Variants in RALGAPA1 observed in about 807,000 individuals in gnomAD.
RALGAPA1 encodes the protein ral GTPase-activating protein subunit alpha-1.
In RALGAPA1, 52 loss-of-function variants were observed where a neutral mutation model predicts 269.6. The observed-to-expected ratio is 0.19, with a 90% CI of 0.15 to 0.24. The LOEUF is 0.24. Among genes scored for constraint, RALGAPA1 ranks in the 10% least tolerant of loss-of-function variants. RALGAPA1 has a pLI of 1.00. For synonymous variants in RALGAPA1, 817 were observed against 1,008.3 expected, an observed-to-expected ratio of 0.81 and a Z score of 3.60; for missense variants, 1,917 against 3,013.9, an observed-to-expected ratio of 0.64 and a Z score of 8.52.
intron 37 of RALGAPA1, among the ~76,000 whole-genome samples, chr14:35,584,418 T>A (rs925490018): frequency 6.6e-6 from 1 of 152,030 alleles, no homozygotes; most frequent in African/African-American, 2.4e-5. Context: ...GGATACACCA[T>A]CATGCCTGGC....
intron 4 of RALGAPA1, chr14:35,766,574 T>C (rs1482573596): frequency 3.8e-6 from 3 of 799,852 alleles, no homozygotes; most frequent in Admixed American, 1.7e-5. Flanking sequence ...GGCTACAATA[T>C]GGTCACAGAT....
In RALGAPA1 at chr14:35,807,183, C is replaced by A. The variant is rs569574331; in HGVS notation, c.106+1547G>T. ...GTCATTACCTAACCTACAGCTTATCCCAAGTAGGTGTCAAGCTCCATTAAG... is the reference window on the plus strand; with the variant it reads ...GTCATTACCTAACCTACAGCTTATCACAAGTAGGTGTCAAGCTCCATTAAG... On this transcript the variant is annotated intron_variant, in intron 1 of 41. Coordinates refer to ENST00000680220, the MANE Select transcript of RALGAPA1 (RefSeq NM_001346249.2). Among the ~76,000 whole-genome samples, 3 of 152,276 alleles carry A rather than the reference C, an allele frequency of 2.0e-5. No homozygotes were observed. The South Asian group carries it at 6.2e-4, about 32-fold the overall frequency.
chr14:35,643,337 T>C (rs1003474189), intron 31 of RALGAPA1, among the ~76,000 whole-genome samples: 1 of 151,774 alleles, frequency 6.6e-6, no homozygotes, highest in Non-Finnish European at 1.5e-5. Flanking sequence ...ATAATAATAA[T>C]AATAAAATAA....
At chr14:35,795,895 G>A (rs1343927877) in intron 1 of RALGAPA1, among the ~76,000 whole-genome samples, 1 of 151,672 alleles carries the variant, frequency 6.6e-6, no homozygotes, top group African/African-American at 2.4e-5. Flanking sequence ...GAGGTAGGAG[G>A]ATTGCTTGAG....
chr14:35,589,422 A>G (rs186460602), intron 37 of RALGAPA1, among the ~76,000 whole-genome samples: 1 of 152,190 alleles, frequency 6.6e-6, no homozygotes, highest in Non-Finnish European at 1.5e-5. Context: ...TCAACATGAA[A>G]AACTGGTATG....
chr14:35,660,726 A>G (rs527587191), intron 27 of RALGAPA1, among the ~76,000 whole-genome samples: 14 of 152,110 alleles, frequency 9.2e-5, no homozygotes, highest in Non-Finnish European at 1.5e-4. Flanking sequence ...ATGGATAAAG[A>G]AAATGTGACA....
At chr14:35,736,422 T>C (rs1392354163) in intron 12 of RALGAPA1, among the ~76,000 whole-genome samples, 3 of 152,312 alleles carry the variant, frequency 2.0e-5, no homozygotes, top group Admixed American at 6.5e-5. Flanking sequence ...ATACAGATGA[T>C]ATTTAAAGCC....
At chr14:35,798,371 C>T (rs1338890771) in intron 1 of RALGAPA1, among the ~76,000 whole-genome samples, 1 of 150,754 alleles carries the variant, frequency 6.6e-6, no homozygotes, top group African/African-American at 2.4e-5. Flanking sequence ...GAGACAGGGT[C>T]TTGCATTGTT....
chr14:35,731,233 A>C (rs936857325), intron 12 of RALGAPA1, among the ~76,000 whole-genome samples: 2 of 152,218 alleles, frequency 1.3e-5, no homozygotes, highest in Non-Finnish European at 2.9e-5. Flanking sequence ...GAATCTTAAC[A>C]ACAGCCTTCA....
At chr14:35,669,064 T>C (rs2064185551) in intron 26 of RALGAPA1, among the ~76,000 whole-genome samples, 1 of 152,154 alleles carries the variant, frequency 6.6e-6, no homozygotes, top group African/African-American at 2.4e-5. Flanking sequence ...CAAATACTAC[T>C]AATCTTTCAG....
chr14:35,779,519 C>A (rs994420850), intron 1 of RALGAPA1, among the ~76,000 whole-genome samples: 2 of 150,940 alleles, frequency 1.3e-5, no homozygotes, highest in African/African-American at 4.9e-5. Flanking sequence ...CAAAGCGAGA[C>A]CTTGTCACTA....
At chr14:35,638,958 A>G (rs1365727878) in intron 31 of RALGAPA1, among the ~76,000 whole-genome samples, 1 of 152,078 alleles carries the variant, frequency 6.6e-6, no homozygotes, top group African/African-American at 2.4e-5. Context: ...AGAATAAAAA[A>G]TAAAAACCAC....
At chr14:35,795,115 T>C (rs2076466884) in intron 1 of RALGAPA1, among the ~76,000 whole-genome samples, 1 of 152,144 alleles carries the variant, frequency 6.6e-6, no homozygotes, top group African/African-American at 2.4e-5. Flanking sequence ...TGTATGGACA[T>C]CAGGTGAGGA....
At chr14:35,543,932 A>T (rs2054231846) in intron 41 of RALGAPA1, among the ~76,000 whole-genome samples, 1 of 152,240 alleles carries the variant, frequency 6.6e-6, no homozygotes, top group African/African-American at 2.4e-5. Flanking sequence ...GTGAGCCACC[A>T]TGCCTGGCCA....
chr14:35,545,382 C>A (rs969854855), intron 41 of RALGAPA1, among the ~76,000 whole-genome samples: 2 of 151,816 alleles, frequency 1.3e-5, no homozygotes, highest in African/African-American at 4.8e-5. Flanking sequence ...GGTTAGAAGG[C>A]AGACTAGATA....
chr14:35,624,511 G>A (rs1479968745), intron 35 of RALGAPA1, among the ~76,000 whole-genome samples: 2 of 151,440 alleles, frequency 1.3e-5, no homozygotes, highest in Admixed American at 6.6e-5. Flanking sequence ...AGAGGAACAC[G>A]AAGAAATATA....
chr14:35,716,137 T>A, intron 16 of RALGAPA1: 1 of 967,394 alleles, frequency 1.0e-6, no homozygotes, highest in Non-Finnish European at 1.2e-6. Flanking sequence ...CTCATGCCTA[T>A]AATCCCAGCA....
chr14:35,569,259 C>T (rs1198709901), intron 39 of RALGAPA1, among the ~76,000 whole-genome samples: 2 of 151,812 alleles, frequency 1.3e-5, no homozygotes, highest in Non-Finnish European at 2.9e-5. Context: ...AAAAACTTTC[C>T]TTTAAAGCTT....
At chr14:35,776,376 C>A (rs1224735160) in intron 1 of RALGAPA1, among the ~76,000 whole-genome samples, 7 of 147,552 alleles carry the variant, frequency 4.7e-5, no homozygotes, top group African/African-American at 1.7e-4. Flanking sequence ...AGTGAGACTC[C>A]ACCTTGGGGA....
Sources: allele counts gnomAD v4.1 joint callset (sites outside exome capture counted in the v4.1 genomes callset), GRCh38; gene constraint gnomAD v4.1.1; transcripts MANE v1.5; gene names NCBI Gene and HGNC (gene_info 2026-07-23, HGNC 2026-07-21).